Variants in EPHA5 observed in about 807,000 individuals in gnomAD.
The protein encoded by EPHA5 is ephrin type-A receptor 5.
A neutral mutation model predicts 105.0 loss-of-function variants in EPHA5; 60 were observed. The ratio of observed to expected loss-of-function variants is 0.57; its 90% CI spans 0.46 to 0.71. The LOEUF is 0.71. Among genes scored for constraint, EPHA5 ranks in the 30% least tolerant of loss-of-function variants. EPHA5 has a pLI of 0.00. For synonymous variants in EPHA5, 513 were observed against 449.1 expected (o/e 1.14, Z -1.80); for missense variants, 1,218 against 1,274.7 (o/e 0.96, Z 0.68).
chr4:65,346,667 G>A (rs902185702), intron 14 of EPHA5, among the ~76,000 whole-genome samples: 1 of 152,092 alleles, frequency 6.6e-6, no homozygotes, highest in Non-Finnish European at 1.5e-5. Context: ...CACAGCAAAA[G>A]AGACTACCAT....
chr4:65,374,865 A>G (rs1277469487), intron 8 of EPHA5, among the ~76,000 whole-genome samples: 4 of 151,918 alleles, frequency 2.6e-5, no homozygotes, highest in Non-Finnish European at 5.9e-5. Context: ...AAATGCTGGT[A>G]TGATGAGACA....
chr4:65,611,470 G>A (rs1744750024), intron 2 of EPHA5, among the ~76,000 whole-genome samples: 1 of 149,546 alleles, frequency 6.7e-6, no homozygotes, highest in African/African-American at 2.5e-5. Context: ...ATTAGCCTTT[G>A]GTGCACTTAA....
At chr4:65,608,531 A>G (rs2149452817) in intron 2 of EPHA5, among the ~76,000 whole-genome samples, 1 of 152,148 alleles carries the variant, frequency 6.6e-6, no homozygotes, top group Admixed American at 6.5e-5. Context: ...AAGAAAAAAG[A>G]AAATGCCTGG....
At chr4:65,393,172 A>G (rs1173890098) in intron 8 of EPHA5, among the ~76,000 whole-genome samples, 4 of 152,174 alleles carry the variant, frequency 2.6e-5, no homozygotes, top group Admixed American at 2.6e-4. Context: ...GAGGATGTGA[A>G]AAAGAGTGTA....
chr4:65,361,373 G>T (rs1228141755), intron 11 of EPHA5, among the ~76,000 whole-genome samples: 1 of 151,564 alleles, frequency 6.6e-6, no homozygotes, highest in Non-Finnish European at 1.5e-5. Flanking sequence ...TTTCCAGAAA[G>T]AAAATAGTGA....
At chr4:65,500,531 G>T (rs1028158765) in intron 3 of EPHA5, among the ~76,000 whole-genome samples, 7 of 148,024 alleles carry the variant, frequency 4.7e-5, no homozygotes, top group African/African-American at 1.5e-4. Flanking sequence ...ATTGTTTAAA[G>T]ATTCTCAAAA....
At chr4:65,352,976 C>T (rs2148860019) in intron 12 of EPHA5, 66 bp downstream of exon 12, 2 of 1,108,340 alleles carry the variant, frequency 1.8e-6, no homozygotes, top group Non-Finnish European at 2.6e-6. Flanking sequence ...ACAGCATCAT[C>T]ATCACAGCAC....
Position 65,320,352 on chromosome 4 carries a change from G to A in EPHA5, c.*3762C>T. The A allele has an allele frequency of 4.4e-6, 1 of 227,352 alleles. No individual in the cohort carries two copies. Among genetic ancestry groups the A allele is most frequent in the Non-Finnish European group, 8.7e-6 (1 of 114,736 alleles). The allele number at this position is 227,352 out of a possible 1,614,324, so 14.1% of individuals were successfully genotyped here. A position where few individuals can be genotyped will look rare whatever the true frequency, so the allele number is the denominator to read the frequency against. ...ATCATCATCATCATCATCATCATCA[G>A]GATCATCATCATATTGTACCTACTT... On this transcript the variant is annotated 3_prime_UTR_variant, in exon 17 of 17. Transcript: ENST00000613740.
At chr4:65,514,480 G>T (rs1020037739) in intron 3 of EPHA5, among the ~76,000 whole-genome samples, 1 of 152,092 alleles carries the variant, frequency 6.6e-6, no homozygotes, top group Non-Finnish European at 1.5e-5. Flanking sequence ...CCCAGCTAAG[G>T]CCCCGACCAA....
At position 65,566,468 on chromosome 4, in the gene EPHA5, C is replaced by T. The variant is rs150138636; in HGVS notation, c.910+35173G>A. On this transcript the variant is annotated intron_variant, in intron 3 of 16. Transcript: ENST00000613740. ...TTTTTTCAAGAAATAAACTGTAATGCCAATGGTGAACCATTTGCTAAATCA... is the reference window on the plus strand; with the variant it reads ...TTTTTTCAAGAAATAAACTGTAATGTCAATGGTGAACCATTTGCTAAATCA... 1.5e-3 allele frequency among the ~76,000 whole-genome samples: 232 copies of T among 151,896 alleles called. 2 individuals are homozygous for T. Among genetic ancestry groups the T allele is most frequent in the African/African-American group, 5.3e-3 (220 of 41,524 alleles).
At chr4:65,554,146 C>T (rs1738178368) in intron 3 of EPHA5, among the ~76,000 whole-genome samples, 1 of 149,504 alleles carries the variant, frequency 6.7e-6, no homozygotes, top group Non-Finnish European at 1.5e-5. Flanking sequence ...AGAGTCCAAG[C>T]AAGTAAGGAA....
chr4:65,331,082 T>G, intron 16 of EPHA5: 2 of 1,041,836 alleles, frequency 1.9e-6, no homozygotes, highest in Non-Finnish European at 2.3e-6. Context: ...AAATAACAAC[T>G]ATGGTTTAGT....
chr4:65,426,088 G>T (rs1215155698), intron 5 of EPHA5, among the ~76,000 whole-genome samples: 1 of 152,096 alleles, frequency 6.6e-6, no homozygotes, highest in African/African-American at 2.4e-5. Context: ...AGAACAGCCA[G>T]TGTGTTATTG....
intron 1 of EPHA5, among the ~76,000 whole-genome samples, chr4:65,655,018 T>A (rs1038808559): frequency 6.6e-6 from 1 of 151,042 alleles, no homozygotes; most frequent in Non-Finnish European, 1.5e-5. Context: ...ATGCATCAAA[T>A]CATACTTAGA....
chr4:65,616,695 CTT>C (rs1472558348), intron 2 of EPHA5, among the ~76,000 whole-genome samples: 1 of 151,976 alleles, frequency 6.6e-6, no homozygotes, highest in Non-Finnish European at 1.5e-5. Flanking sequence ...AATGAAGCCT[CTT>C]TGATATTCTT....
chr4:65,414,776 C>CT (rs909209404), intron 6 of EPHA5, among the ~76,000 whole-genome samples: 5 of 146,414 alleles, frequency 3.4e-5, no homozygotes, highest in South Asian at 2.1e-4. Context: ...TATTTTTGTG[C>CT]TTTTTTTCCC....
intron 13 of EPHA5, among the ~76,000 whole-genome samples, chr4:65,350,311 G>C (rs1172706710): frequency 6.6e-6 from 1 of 151,898 alleles, no homozygotes. Context: ...GCTTGGATAA[G>C]TTACTTTCTC....
intron 6 of EPHA5, among the ~76,000 whole-genome samples, chr4:65,415,288 G>A (rs1016332876): frequency 6.6e-6 from 1 of 151,954 alleles, no homozygotes; most frequent in Non-Finnish European, 1.5e-5. Flanking sequence ...AGTAAAACTG[G>A]GTAGAGACTT....
intron 3 of EPHA5, among the ~76,000 whole-genome samples, chr4:65,557,283 C>T (rs1448380427): frequency 8.0e-5 from 11 of 137,062 alleles, no homozygotes; most frequent in Non-Finnish European, 3.1e-5. Context: ...TATTAACACT[C>T]CATCTTATTA....
Sources: gnomAD v4.1 joint callset for allele counts (sites outside exome capture counted in the v4.1 genomes callset) on GRCh38, gnomAD v4.1.1 for gene constraint, MANE v1.5 for transcripts, NCBI Gene and HGNC (gene_info 2026-07-23, HGNC 2026-07-21) for gene names.